KHDRBS2: variants seen among roughly 807,000 people sequenced by gnomAD.
KHDRBS2 encodes the protein KH RNA binding domain containing, signal transduction associated 2.
KHDRBS2 carries 26 observed loss-of-function variants against 44.3 expected under a neutral mutation model. The observed-to-expected ratio is 0.59, with a 90% CI of 0.43 to 0.81. The LOEUF (loss-of-function observed/expected upper bound fraction) is 0.81. KHDRBS2 is among the 40% of genes least tolerant of loss of function. The pLI, the probability that KHDRBS2 is intolerant of heterozygous loss-of-function variation, is 0.00. For missense variants in KHDRBS2, 476 were observed against 433.1 expected (o/e 1.10, Z -0.88); for synonymous variants, 194 against 151.1 (o/e 1.28, Z -2.08).
At chr6:62,183,562 A>G (rs1822795463) in intron 1 of KHDRBS2, among the ~76,000 whole-genome samples, 1 of 151,676 alleles carries the variant, frequency 6.6e-6, no homozygotes, top group Non-Finnish European at 1.5e-5. Flanking sequence ...ATATGTGCAA[A>G]AAGAAGTTTC....
intron 4 of KHDRBS2, among the ~76,000 whole-genome samples, chr6:61,972,946 G>C (rs1771741315): frequency 6.6e-6 from 1 of 152,142 alleles, no homozygotes; most frequent in African/African-American, 2.4e-5. Context: ...AGGAGTTCAA[G>C]ACCAGACTAG....
intron 2 of KHDRBS2, among the ~76,000 whole-genome samples, chr6:62,066,251 A>G (rs1390033216): frequency 6.6e-6 from 1 of 151,728 alleles, no homozygotes; most frequent in Non-Finnish European, 1.5e-5. Context: ...AAATGTTTCT[A>G]GAGTTCTATA....
intron 1 of KHDRBS2, among the ~76,000 whole-genome samples, chr6:62,231,398 A>C (rs1195099171): frequency 1.3e-5 from 2 of 152,192 alleles, no homozygotes; most frequent in Non-Finnish European, 2.9e-5. Context: ...TTATAAAATC[A>C]TCAGATCTCA....
chr6:62,125,003 AT>A (rs963669763), intron 2 of KHDRBS2, among the ~76,000 whole-genome samples: 1 of 151,794 alleles, frequency 6.6e-6, no homozygotes, highest in Non-Finnish European at 1.5e-5. Flanking sequence ...GACACTGAAC[AT>A]TTTTTTTCAT....
At chr6:61,715,391 A>G (rs1361276362) in intron 7 of KHDRBS2, among the ~76,000 whole-genome samples, 1 of 151,932 alleles carries the variant, frequency 6.6e-6, no homozygotes, top group African/African-American at 2.4e-5. Context: ...CTAGTGGTAT[A>G]TTTAGGCTTT....
chr6:61,758,053 A>C (rs527648547), intron 6 of KHDRBS2, among the ~76,000 whole-genome samples: 1 of 152,226 alleles, frequency 6.6e-6, no homozygotes, highest in Non-Finnish European at 1.5e-5. Flanking sequence ...TACTCTTACA[A>C]TTTTTAGCTG....
chr6:62,247,087 T>C (rs952055081), intron 1 of KHDRBS2, among the ~76,000 whole-genome samples: 1 of 151,864 alleles, frequency 6.6e-6, no homozygotes, highest in African/African-American at 2.4e-5. Flanking sequence ...TATAGAGAAA[T>C]AGTAACTCTT....
chr6:61,602,602 C>T, the KHDRBS2 span, among the ~76,000 whole-genome samples: 8 of 152,090 alleles, frequency 5.3e-5, no homozygotes, highest in African/African-American at 1.7e-4. Flanking sequence ...CCTCAGAAGC[C>T]CCCTACACCA....
intron 4 of KHDRBS2, among the ~76,000 whole-genome samples, chr6:61,954,879 T>TACATAC (rs1562514243): frequency 6.9e-6 from 1 of 144,402 alleles, no homozygotes; most frequent in Admixed American, 6.9e-5. Context: ...CATATGTGTA[T>TACATAC]ATATGTATAT....
intron 2 of KHDRBS2, among the ~76,000 whole-genome samples, chr6:62,055,786 T>C (rs1020622908): frequency 6.6e-6 from 1 of 151,980 alleles, no homozygotes; most frequent in Non-Finnish European, 1.5e-5. Context: ...AGAAGTTGCA[T>C]CACATTTGGA....
chr6:61,659,627 C>T, the KHDRBS2 span, among the ~76,000 whole-genome samples: 5 of 151,730 alleles, frequency 3.3e-5, no homozygotes, highest in African/African-American at 9.7e-5. Context: ...TAGTTCACTT[C>T]GGTGTTCTTT....
At chr6:62,032,271 T>A (rs749853165) in intron 3 of KHDRBS2, among the ~76,000 whole-genome samples, 1 of 151,982 alleles carries the variant, frequency 6.6e-6, no homozygotes, top group Non-Finnish European at 1.5e-5. Context: ...ACACCGTTAA[T>A]CTGGGTAGGC....
chr6:61,584,644 A>T, the KHDRBS2 span, among the ~76,000 whole-genome samples: 1 of 151,826 alleles, frequency 6.6e-6, no homozygotes, highest in Non-Finnish European at 1.5e-5. Context: ...GGATGACTTA[A>T]CAAACTAACA....
intron 4 of KHDRBS2, among the ~76,000 whole-genome samples, chr6:61,964,479 T>C (rs954480663): frequency 3.9e-5 from 6 of 152,044 alleles, no homozygotes; most frequent in Admixed American, 3.3e-4. Context: ...TGTCAACTTA[T>C]ATGTCTCCCC....
chr6:61,688,657 G>A (rs1472403570), intron 8 of KHDRBS2, among the ~76,000 whole-genome samples: 3 of 151,866 alleles, frequency 2.0e-5, no homozygotes, highest in Non-Finnish European at 4.4e-5. Flanking sequence ...CATAGTTATA[G>A]CAATTAGAGA....
chr6:61,637,107 T>G, the KHDRBS2 span, among the ~76,000 whole-genome samples: 1 of 152,092 alleles, frequency 6.6e-6, no homozygotes, highest in African/African-American at 2.4e-5. Context: ...TACGTATACA[T>G]GTGCCATGCT....
rs529061083 is a variant in KHDRBS2 at position 62,230,879 on chromosome 6, T to C, written c.92-53567A>G. ...ACCTATGATGACCCCATGATCAGAA[T>C]TGGTTAAGAATTGTATCAAAACAAA... On this transcript the variant is annotated intron_variant, in intron 1 of 8. Coordinates refer to ENST00000281156, the MANE Select transcript of KHDRBS2 (RefSeq NM_152688.4). Among the ~76,000 whole-genome samples, 11 of 152,268 alleles carry C rather than the reference T, an allele frequency of 7.2e-5. No homozygotes were observed. The South Asian group carries it at 1.0e-3, about 14-fold the overall frequency.
intron 2 of KHDRBS2, among the ~76,000 whole-genome samples, chr6:62,122,083 G>T (rs1486932133): frequency 1.3e-5 from 2 of 152,064 alleles, no homozygotes; most frequent in South Asian, 4.2e-4. Context: ...TTTTGAGTGG[G>T]GTCCAGAACA....
intron 1 of KHDRBS2, among the ~76,000 whole-genome samples, chr6:62,252,491 T>C (rs1836714942): frequency 6.6e-6 from 1 of 151,998 alleles, no homozygotes; most frequent in African/African-American, 2.4e-5. Context: ...TGGATTTTTT[T>C]TACCAGTTCT....
Sources: allele counts gnomAD v4.1 joint callset (sites outside exome capture counted in the v4.1 genomes callset), GRCh38; gene constraint gnomAD v4.1.1; transcripts MANE v1.5; gene names NCBI Gene and HGNC (gene_info 2026-07-23, HGNC 2026-07-21).